ARFGEF2: variants seen among roughly 807,000 people sequenced by gnomAD.
ARFGEF2 encodes the protein ARF guanine nucleotide exchange factor 2.
Under a neutral mutation model 219.9 loss-of-function variants are expected in ARFGEF2, and 74 were observed. The observed-to-expected ratio is 0.34, with a 90% CI of 0.28 to 0.41. ARFGEF2 has a LOEUF of 0.41. ARFGEF2 is among the 10% of genes least tolerant of loss of function. The pLI, the probability that ARFGEF2 is intolerant of heterozygous loss-of-function variation, is 1.00. For missense variants in ARFGEF2, 1,743 were observed against 2,218.3 expected (o/e 0.79, Z 4.30); for synonymous variants, 733 against 799.2 (o/e 0.92, Z 1.40).
At chr20:48,988,234 G>A in intron 16 of ARFGEF2, 70 bp from the exon 17 acceptor site, 1 of 1,141,244 alleles carries the variant, frequency 8.8e-7, no homozygotes, top group East Asian at 2.4e-5. Context: ...CGTGAAGTGT[G>A]TCTCTGTTAG....
At chr20:48,961,172 A>AT (rs201021256) in intron 6 of ARFGEF2, among the ~76,000 whole-genome samples, 199 of 150,946 alleles carry the variant, frequency 1.3e-3, no homozygotes, top group African/African-American at 4.3e-3. Flanking sequence ...CTTATAAACA[A>AT]TTTTTTTTAA....
chr20:48,951,588 G>C, intron 4 of ARFGEF2, 119 bp downstream of exon 4: 2 of 1,352,128 alleles, frequency 1.5e-6, no homozygotes, highest in Non-Finnish European at 1.0e-6. Flanking sequence ...GGAACAGAAA[G>C]ATTTAAGCGT....
chr20:49,031,988 C>T, intron 37 of ARFGEF2, 61 bp from the exon 38 acceptor site: 1 of 1,092,874 alleles, frequency 9.2e-7, no homozygotes, highest in Non-Finnish European at 1.4e-6. Context: ...GAATAGTTCT[C>T]CCCTGAATGT....
intron 14 of ARFGEF2, among the ~76,000 whole-genome samples, chr20:48,982,523 C>G (rs576627715): frequency 6.6e-6 from 1 of 152,144 alleles, no homozygotes; most frequent in Admixed American, 6.5e-5. Context: ...AGAACCACTG[C>G]TGAGAGCTGT....
chr20:48,944,317 A>G (rs2091012112), intron 3 of ARFGEF2, among the ~76,000 whole-genome samples: 1 of 152,196 alleles, frequency 6.6e-6, no homozygotes, highest in African/African-American at 2.4e-5. Context: ...AATGTAATTG[A>G]CGTTCTAAGA....
Position 49,016,410 on chromosome 20 carries a change from A to G in ARFGEF2, c.4310A>G (p.Lys1437Arg). 6.2e-7 allele frequency: 1 copy of G among 1,612,598 alleles called. No homozygotes were observed. The highest frequency in any genetic ancestry group is 8.5e-7 in the Non-Finnish European group (1 of 1,179,930). Residue 1437 changes from lysine (K) to arginine (R), a missense_variant, in exon 31 of 39, where the codon AAA becomes AGA. Physicochemically the swap from Lys to Arg is conservative, Grantham distance 26 (BLOSUM62 2). Coordinates refer to ENST00000371917, the MANE Select transcript of ARFGEF2 (RefSeq NM_006420.3). Reference sequence around the variant, plus strand: ...TTTGCACAATTGCAGTGGTGTGTCAAACAAGGTACTCTTTAAGCCTCTAGG... The same window carrying G: ...TTTGCACAATTGCAGTGGTGTGTCAGACAAGGTACTCTTTAAGCCTCTAGG... The part of the protein sequence containing the change: ...DVFAQLQWCV[K>R]QDNEQLARSG...
chr20:48,972,621 T>G (rs982119567), intron 11 of ARFGEF2, among the ~76,000 whole-genome samples, 196 bp downstream of exon 11: 4 of 152,188 alleles, frequency 2.6e-5, no homozygotes, highest in African/African-American at 9.7e-5. Flanking sequence ...GACTTCCTGG[T>G]TTTAGCACTA....
intron 13 of ARFGEF2, among the ~76,000 whole-genome samples, chr20:48,975,787 C>T (rs536653497): frequency 1.5e-3 from 133 of 89,928 alleles, no homozygotes; most frequent in African/African-American, 6.0e-3. Context: ...GGTGACAGTG[C>T]GAGACTCCAT....
chr20:48,974,941 T>C (rs1432055493), intron 13 of ARFGEF2, 67 bp downstream of exon 13: 9 of 1,310,818 alleles, frequency 6.9e-6, no homozygotes, highest in African/African-American at 1.5e-5. Flanking sequence ...TAGGAACAGT[T>C]GTCTTAGTAT....
At chr20:49,023,231 C>T (rs376158173) in intron 35 of ARFGEF2, 50 bp downstream of exon 35, 3 of 1,610,838 alleles carry the variant, frequency 1.9e-6, no homozygotes, top group Non-Finnish European at 2.5e-6. Context: ...AGGGAGGTTG[C>T]TTTGATGTAG....
rs1180059011 is a variant in ARFGEF2 at position 48,995,886 on chromosome 20, A to G, written c.3221+4A>G. 6.2e-7 allele frequency: 1 copy of G among 1,613,840 alleles called. No individual in the cohort carries two copies. The highest frequency in any genetic ancestry group is 1.7e-5 in the Admixed American group (1 of 60,010). ...GTGTGGTTGTAGCTGTGGACAGGTAATGATTTTATTCTTCAGTGACCCTGA... is the reference window on the plus strand; with the variant it reads ...GTGTGGTTGTAGCTGTGGACAGGTAGTGATTTTATTCTTCAGTGACCCTGA... On this transcript the variant is annotated splice_donor_region_variant and intron_variant, in intron 23 of 38. Transcript: ENST00000371917.
In ARFGEF2 at chr20:48,921,783, G is replaced by T; in HGVS notation, c.-107G>T. The T allele has an allele frequency of 8.8e-7, 1 of 1,137,050 alleles. No homozygotes were observed. The highest frequency in any genetic ancestry group is 1.1e-6 in the Non-Finnish European group (1 of 916,290). 70.4% of individuals were successfully genotyped at this position (1,137,050 alleles called of 1,614,324 possible). A position where few individuals can be genotyped will look rare whatever the true frequency, so the allele number is the denominator to read the frequency against. On this transcript the variant is annotated 5_prime_UTR_variant, in exon 1 of 39. Transcript: ENST00000371917. ...GTGTCGCTTCCTGACGGGGCGGCGC[G>T]GACGGACGCGGCCGGTGCCGGCCGG... is the stretch of plus-strand genomic sequence containing the variant.
At chr20:49,001,054 C>CTTTTTTTTTTTTTTTTTTTTTTTTT (rs66754799) in intron 25 of ARFGEF2, among the ~76,000 whole-genome samples, 2 of 60,562 alleles carry the variant, frequency 3.3e-5, no homozygotes, top group Non-Finnish European at 6.6e-5. Flanking sequence ...CTCAGGAACT[C>CTTTTTTTTTTTTTTTTTTTTTTTTT]TTTTTTTTTT....
chr20:48,980,631 G>T (rs1190805778), intron 14 of ARFGEF2, among the ~76,000 whole-genome samples: 1 of 152,126 alleles, frequency 6.6e-6, no homozygotes, highest in East Asian at 1.9e-4. Flanking sequence ...CTCTTTGTAG[G>T]TCTCTAAGGA....
At chr20:48,947,300 T>C (rs2091034588) in intron 3 of ARFGEF2, among the ~76,000 whole-genome samples, 1 of 152,098 alleles carries the variant, frequency 6.6e-6, no homozygotes, top group African/African-American at 2.4e-5. Flanking sequence ...CTTGGGAGGC[T>C]GAGGCAGGAG....
intron 34 of ARFGEF2, among the ~76,000 whole-genome samples, chr20:49,019,979 G>T (rs1157586518): frequency 6.6e-6 from 1 of 152,190 alleles, no homozygotes; most frequent in African/African-American, 2.4e-5. Context: ...CAGCTGTCAT[G>T]TACCAGGCAC....
chr20:48,940,976 A>C (rs1308210864), intron 1 of ARFGEF2, among the ~76,000 whole-genome samples: 9 of 152,242 alleles, frequency 5.9e-5, no homozygotes, highest in Non-Finnish European at 1.0e-4. Flanking sequence ...TGTGAGGGCT[A>C]AATGAGCTAA....
intron 28 of ARFGEF2, 116 bp from the exon 29 acceptor site, chr20:49,013,448 G>A (rs990174486): frequency 1.5e-6 from 2 of 1,336,172 alleles, no homozygotes; most frequent in Non-Finnish European, 2.1e-6. Flanking sequence ...TACCCTTGCT[G>A]AATGGAGATT....
At chr20:48,985,972 G>T (rs2091324440) in intron 16 of ARFGEF2, among the ~76,000 whole-genome samples, 1 of 152,194 alleles carries the variant, frequency 6.6e-6, no homozygotes, top group Admixed American at 6.5e-5. Flanking sequence ...ATATGGGGTA[G>T]ATCTCAAGGA....
Sources: allele counts gnomAD v4.1 joint callset (sites outside exome capture counted in the v4.1 genomes callset), GRCh38; gene constraint gnomAD v4.1.1; transcripts MANE v1.5; gene names NCBI Gene and HGNC (gene_info 2026-07-23, HGNC 2026-07-21).